The following NPAS3 variants were observed in gnomAD, a reference collection of about 807,000 sequenced individuals.
The protein encoded by NPAS3 is neuronal PAS domain protein 3.
Under a neutral mutation model 73.1 loss-of-function variants are expected in NPAS3, and 14 were observed. The observed-to-expected ratio is 0.19, with a 90% CI of 0.13 to 0.30. The LOEUF is 0.30. NPAS3 is among the 10% of genes least tolerant of loss of function. NPAS3 has a pLI of 1.00. For missense variants in NPAS3, 1,096 were observed against 1,250.0 expected (o/e 0.88, Z 1.86); for synonymous variants, 620 against 541.5 (o/e 1.14, Z -2.01).
chr14:33,024,667 A>G (rs2039737950), intron 1 of NPAS3, among the ~76,000 whole-genome samples: 1 of 152,202 alleles, frequency 6.6e-6, no homozygotes, highest in African/African-American at 2.4e-5. Context: ...CACAATTTGT[A>G]TCTTAGTTGA....
chr14:33,699,232 TAATA>T (rs1237189762), intron 6 of NPAS3, among the ~76,000 whole-genome samples: 5 of 152,216 alleles, frequency 3.3e-5, no homozygotes, highest in Non-Finnish European at 4.4e-5. Flanking sequence ...AAAGCTGGAA[TAATA>T]AATCATTTTA....
In NPAS3 at chr14:33,800,239, G is replaced by C. The variant is rs779982310; in HGVS notation, c.1932G>C (p.Ser644=). 2 of 1,613,104 alleles carry C rather than the reference G, an allele frequency of 1.2e-6. No individual in the cohort carries two copies. The highest frequency in any genetic ancestry group is 8.5e-7 in the Non-Finnish European group (1 of 1,179,626). ...TGCTGTCCTCCCCCAACAGTGCCTCGGTGCTCAAGATCAAGACGGAGATCT... is the reference window on the plus strand; with the variant it reads ...TGCTGTCCTCCCCCAACAGTGCCTCCGTGCTCAAGATCAAGACGGAGATCT... Residue 644 remains serine (S), a synonymous_variant, in exon 12 of 12, where the codon TCG becomes TCC. Coordinates refer to ENST00000356141, the Ensembl canonical transcript of NPAS3. The surrounding 1 kb of genome is among the most constrained non-coding windows in gnomAD (Gnocchi z 6.5).
chr14:33,277,628 A>G (rs769255237), intron 3 of NPAS3, among the ~76,000 whole-genome samples: 5 of 152,196 alleles, frequency 3.3e-5, no homozygotes, highest in Admixed American at 2.6e-4. Flanking sequence ...AGGAACCTCA[A>G]TGAAGTGATG....
At chr14:33,015,441 A>G (rs1428967098) in intron 1 of NPAS3, among the ~76,000 whole-genome samples, 1 of 152,216 alleles carries the variant, frequency 6.6e-6, no homozygotes, top group Non-Finnish European at 1.5e-5. Flanking sequence ...CATAGTAATA[A>G]TGGGGATGGA....
At chr14:33,244,083 C>T (rs979701880) in intron 3 of NPAS3, among the ~76,000 whole-genome samples, 8 of 151,574 alleles carry the variant, frequency 5.3e-5, no homozygotes, top group African/African-American at 1.9e-4. Flanking sequence ...GTCTTTTGCA[C>T]TAGGCCTACT....
intron 3 of NPAS3, among the ~76,000 whole-genome samples, chr14:33,338,796 G>A (rs2044343767): frequency 6.6e-6 from 1 of 152,064 alleles, no homozygotes; most frequent in Non-Finnish European, 1.5e-5. Context: ...TTAGGGAATT[G>A]AAAAAGCTCT....
At chr14:33,637,190 A>G (rs749282342) in intron 5 of NPAS3, among the ~76,000 whole-genome samples, 7 of 152,256 alleles carry the variant, frequency 4.6e-5, no homozygotes, top group Non-Finnish European at 1.0e-4. Flanking sequence ...AAAGATATTG[A>G]GAAGTCAATC....
At chr14:33,656,167 CA>C (rs879295425) in intron 5 of NPAS3, among the ~76,000 whole-genome samples, 6 of 152,160 alleles carry the variant, frequency 3.9e-5, no homozygotes, top group Non-Finnish European at 8.8e-5. Flanking sequence ...ACACTGCAAA[CA>C]GAAGACTAGT....
chr14:33,099,415 T>C (rs536840194), intron 2 of NPAS3, among the ~76,000 whole-genome samples: 16 of 152,284 alleles, frequency 1.1e-4, no homozygotes, highest in Non-Finnish European at 2.4e-4. Flanking sequence ...ATCCATTCCA[T>C]GGACTCTATG....
At chr14:33,200,703 C>T (rs542331586) in intron 2 of NPAS3, among the ~76,000 whole-genome samples, 74 of 152,136 alleles carry the variant, frequency 4.9e-4, no homozygotes, top group Non-Finnish European at 9.0e-4. Context: ...TTTTTGGCTT[C>T]TTTCTGAAAG....
intron 2 of NPAS3, among the ~76,000 whole-genome samples, chr14:33,108,942 C>T (rs1211039083): frequency 1.3e-5 from 2 of 152,118 alleles, no homozygotes; most frequent in Non-Finnish European, 2.9e-5. Flanking sequence ...TCGCATCTAA[C>T]AAAGATCAAG....
intron 3 of NPAS3, among the ~76,000 whole-genome samples, chr14:33,361,363 C>T (rs2045592448): frequency 6.6e-6 from 1 of 152,190 alleles, no homozygotes. Context: ...CATATGAATA[C>T]TATTTAATTC....
intron 6 of NPAS3, among the ~76,000 whole-genome samples, chr14:33,689,918 A>ATGTT (rs1384504024): frequency 1.3e-5 from 2 of 152,142 alleles, no homozygotes; most frequent in Non-Finnish European, 2.9e-5. Context: ...ATAGACCTTG[A>ATGTT]TGTTAGTCTC....
intron 1 of NPAS3, among the ~76,000 whole-genome samples, chr14:33,022,466 C>T (rs924020303): frequency 3.3e-5 from 5 of 152,014 alleles, no homozygotes; most frequent in Non-Finnish European, 7.4e-5. Flanking sequence ...AGATCGAGAC[C>T]ATCCTGGCTA....
At chr14:33,313,675 C>T (rs1364038826) in intron 3 of NPAS3, among the ~76,000 whole-genome samples, 1 of 152,030 alleles carries the variant, frequency 6.6e-6, no homozygotes, top group East Asian at 1.9e-4. Flanking sequence ...TTGATATTAT[C>T]CTCGTAATTA....
chr14:33,797,213 G>C (rs943436711), intron 10 of NPAS3, among the ~76,000 whole-genome samples: 1 of 152,190 alleles, frequency 6.6e-6, no homozygotes, highest in African/African-American at 2.4e-5. Context: ...TTATTTAAAA[G>C]CTTCTCTCCA....
intron 5 of NPAS3, among the ~76,000 whole-genome samples, chr14:33,644,693 C>G (rs892672875): frequency 6.6e-6 from 1 of 152,064 alleles, no homozygotes; most frequent in African/African-American, 2.4e-5. Flanking sequence ...TCCATCCCAG[C>G]CTAGGGTTCT....
intron 3 of NPAS3, among the ~76,000 whole-genome samples, chr14:33,359,098 C>A (rs2045474494): frequency 6.6e-6 from 1 of 152,124 alleles, no homozygotes; most frequent in African/African-American, 2.4e-5. Flanking sequence ...TGATGTGGCC[C>A]AAAAGCTAAG....
At chr14:33,694,379 A>C (rs1289749652) in intron 6 of NPAS3, among the ~76,000 whole-genome samples, 1 of 152,134 alleles carries the variant, frequency 6.6e-6, no homozygotes, top group African/African-American at 2.4e-5. Context: ...TCTTAATTAA[A>C]TGACAGCCAA....
Sources: allele counts gnomAD v4.1 joint callset (sites outside exome capture counted in the v4.1 genomes callset), GRCh38; gene constraint gnomAD v4.1.1; non-coding constraint Gnocchi (gnomAD v3.1); transcripts MANE v1.5; gene names NCBI Gene and HGNC (gene_info 2026-07-23, HGNC 2026-07-21).